The following HORMAD2 variants were observed in gnomAD, a reference collection of about 807,000 sequenced individuals.
HORMAD2 encodes HORMA domain-containing protein 2.
In HORMAD2, 45 loss-of-function variants were observed where a neutral mutation model predicts 38.8. That is an observed-to-expected ratio of 1.16 (90% CI 0.91 to 1.49). The LOEUF (loss-of-function observed/expected upper bound fraction) is 1.49. Ranked by LOEUF, HORMAD2 falls within the 40% of genes most tolerant of loss-of-function variation. The pLI, the probability that HORMAD2 is intolerant of heterozygous loss-of-function variation, is 0.00. For synonymous variants in HORMAD2, 126 were observed against 122.8 expected (o/e 1.03, Z -0.17); for missense variants, 338 against 367.0 (o/e 0.92, Z 0.65).
the HORMAD2 span, among the ~76,000 whole-genome samples, chr22:30,201,173 G>A: frequency 6.6e-6 from 1 of 152,154 alleles, no homozygotes; most frequent in Admixed American, 6.5e-5. Context: ...TCCAGTGGTT[G>A]CTGACAATCC....
chr22:30,178,410 C>G (rs1926569715), downstream of HORMAD2, among the ~76,000 whole-genome samples: 1 of 152,178 alleles, frequency 6.6e-6, no homozygotes, highest in Admixed American at 6.5e-5. Flanking sequence ...AGTTTCTGGG[C>G]CTGTGCCCTT....
chr22:30,088,568 T>C (rs1427242122), intron 1 of HORMAD2, among the ~76,000 whole-genome samples: 1 of 151,640 alleles, frequency 6.6e-6, no homozygotes, highest in Non-Finnish European at 1.5e-5. Flanking sequence ...TCTATGATCA[T>C]AGAGAAATTT....
intron 1 of HORMAD2, among the ~76,000 whole-genome samples, chr22:30,091,866 T>G (rs1209705258): frequency 1.3e-5 from 2 of 151,954 alleles, no homozygotes; most frequent in African/African-American, 4.8e-5. Flanking sequence ...TTTTGTTATT[T>G]TATTTTATTT....
intron 3 of HORMAD2, among the ~76,000 whole-genome samples, chr22:30,100,752 C>T (rs1920937301): frequency 6.6e-6 from 1 of 152,034 alleles, no homozygotes; most frequent in Non-Finnish European, 1.5e-5. Flanking sequence ...ATAAAACAAC[C>T]CCATCAAAAA....
downstream of HORMAD2, among the ~76,000 whole-genome samples, chr22:30,177,741 A>G (rs1444464696): frequency 3.0e-5 from 4 of 133,086 alleles, no homozygotes; most frequent in Non-Finnish European, 4.7e-5. Flanking sequence ...TTTTTTCAAC[A>G]TAATCTCAGC....
intron 10 of HORMAD2, among the ~76,000 whole-genome samples, chr22:30,123,958 T>TAG (rs1024568863): frequency 2.0e-5 from 3 of 151,944 alleles, no homozygotes; most frequent in Non-Finnish European, 4.4e-5. Flanking sequence ...CACACCTGGT[T>TAG]AGATTTTTAC....
chr22:30,117,142 C>T (rs1236614065), intron 7 of HORMAD2, among the ~76,000 whole-genome samples: 2 of 152,298 alleles, frequency 1.3e-5, no homozygotes, highest in East Asian at 3.9e-4. Flanking sequence ...AGCCAATTTT[C>T]CCAAGATCTG....
At chr22:30,096,913 G>A (rs2068792838) in intron 2 of HORMAD2, among the ~76,000 whole-genome samples, 1 of 151,968 alleles carries the variant, frequency 6.6e-6, no homozygotes, top group South Asian at 2.1e-4. Context: ...AAGAATTTTA[G>A]GAGTTCTTTA....
chr22:30,169,868 T>G (rs1265216219), intron 10 of HORMAD2, among the ~76,000 whole-genome samples: 3 of 152,386 alleles, frequency 2.0e-5, no homozygotes, highest in African/African-American at 7.2e-5. Flanking sequence ...TTTCCTTTAC[T>G]GTACCAACAT....
chr22:30,099,121 C>T (rs1180012696), intron 3 of HORMAD2, 128 bp downstream of exon 3: 1 of 709,570 alleles, frequency 1.4e-6, no homozygotes, highest in Admixed American at 3.6e-5. Flanking sequence ...GACCAATTTG[C>T]TAATCCATTT....
At chr22:30,171,877 C>A (rs945090750) in intron 10 of HORMAD2, among the ~76,000 whole-genome samples, 1 of 152,002 alleles carries the variant, frequency 6.6e-6, no homozygotes, top group Non-Finnish European at 1.5e-5. Context: ...GGGGAAAGAA[C>A]ATTTTAGGCA....
At chr22:30,123,893 C>T (rs1922638464) in intron 10 of HORMAD2, among the ~76,000 whole-genome samples, 1 of 151,848 alleles carries the variant, frequency 6.6e-6, no homozygotes, top group South Asian at 2.1e-4. Context: ...TGATCTTGAA[C>T]TCCTGGGCTC....
At chr22:30,144,238 AT>A (rs1308316935) in intron 10 of HORMAD2, among the ~76,000 whole-genome samples, 1 of 152,148 alleles carries the variant, frequency 6.6e-6, no homozygotes, top group Non-Finnish European at 1.5e-5. Context: ...ATCAAATCAA[AT>A]TTGGACTTCT....
chr22:30,115,967 G>A (rs990960776), intron 7 of HORMAD2, among the ~76,000 whole-genome samples: 1 of 152,158 alleles, frequency 6.6e-6, no homozygotes, highest in Admixed American at 6.5e-5. Flanking sequence ...AACATCACAG[G>A]CATTGGCGTC....
At chr22:30,196,740 T>A in the HORMAD2 span, among the ~76,000 whole-genome samples, 1 of 152,200 alleles carries the variant, frequency 6.6e-6, no homozygotes, top group South Asian at 2.1e-4. Flanking sequence ...GAATGAGGTT[T>A]CTGTGCATGT....
intron 1 of HORMAD2, among the ~76,000 whole-genome samples, chr22:30,088,274 CACATATATACAT>C (rs1390816540): frequency 2.0e-5 from 3 of 150,194 alleles, no homozygotes; most frequent in Non-Finnish European, 4.4e-5. Context: ...CATATATACA[CACATATATACAT>C]ACATATATAT....
chr22:30,078,607 CAAAAAAAAAA>C (rs55966787), upstream of HORMAD2, among the ~76,000 whole-genome samples: 75 of 28,104 alleles, frequency 2.7e-3, no homozygotes, highest in Admixed American at 0.011. Context: ...CTCTGTCTCA[CAAAAAAAAAA>C]AAAAAAAAAA....
chr22:30,161,689 T>A (rs1925448895), intron 10 of HORMAD2, among the ~76,000 whole-genome samples: 1 of 152,080 alleles, frequency 6.6e-6, no homozygotes, highest in Non-Finnish European at 1.5e-5. Context: ...GAATATTTTA[T>A]AATTTTTAAA....
intron 10 of HORMAD2, among the ~76,000 whole-genome samples, chr22:30,127,096 T>A (rs1378276128): frequency 6.6e-6 from 1 of 152,070 alleles, no homozygotes; most frequent in Non-Finnish European, 1.5e-5. Context: ...GAGCTCTGCA[T>A]ATATATTCTG....
Sources: gnomAD v4.1 joint callset for allele counts (sites outside exome capture counted in the v4.1 genomes callset) on GRCh38, gnomAD v4.1.1 for gene constraint, MANE v1.5 for transcripts, NCBI Gene and HGNC (gene_info 2026-07-23, HGNC 2026-07-21) for gene names.